The following CLIP2 variants were observed in gnomAD, a reference collection of about 807,000 sequenced individuals.
The protein encoded by CLIP2 is CAP-Gly domain-containing linker protein 2.
In CLIP2, 41 loss-of-function variants were observed where a neutral mutation model predicts 111.7. The ratio of observed to expected loss-of-function variants is 0.37; its 90% CI spans 0.29 to 0.48. The LOEUF (loss-of-function observed/expected upper bound fraction) is 0.48, where lower values mean the gene tolerates loss of function less well. Among genes scored for constraint, CLIP2 ranks in the 20% least tolerant of loss-of-function variants. The probability of loss-of-function intolerance (pLI) is 0.99; values close to 1 mark genes in which losing one functional copy is unlikely to be tolerated. For synonymous variants in CLIP2, 660 were observed against 644.2 expected (o/e 1.02, Z -0.37); for missense variants, 1,160 against 1,422.1 (o/e 0.82, Z 2.96).
chr7:74,306,169 G>T (rs1218946525), intron 1 of CLIP2, among the ~76,000 whole-genome samples: 3 of 152,176 alleles, frequency 2.0e-5, no homozygotes, highest in Non-Finnish European at 2.9e-5. Context: ...CCGGTTACGG[G>T]TCCCTTGCTC....
At chr7:74,336,860 G>GTTTTTTTTTTTTTTTTTTTTTTTT (rs376463523) in intron 2 of CLIP2, among the ~76,000 whole-genome samples, 1 of 140,594 alleles carries the variant, frequency 7.1e-6, no homozygotes. Context: ...TGTTTTTTTT[G>GTTTTTTTTTTTTTTTTTTTTTTTT]TTTTTTTTTT....
At chr7:74,372,595 G>C (rs901733980) in intron 8 of CLIP2, among the ~76,000 whole-genome samples, 4 of 151,722 alleles carry the variant, frequency 2.6e-5, no homozygotes, top group East Asian at 1.9e-4. Context: ...TTGGGGGTTG[G>C]GGGGGACAGA....
chr7:74,310,967 G>A (rs1263021476), intron 1 of CLIP2, among the ~76,000 whole-genome samples: 1 of 146,426 alleles, frequency 6.8e-6, no homozygotes, highest in Non-Finnish European at 1.5e-5. Flanking sequence ...TGCCTGCCTC[G>A]AGCTCCTATT....
At chr7:74,353,047 A>T (rs1224620416) in intron 3 of CLIP2, among the ~76,000 whole-genome samples, 1 of 152,078 alleles carries the variant, frequency 6.6e-6, no homozygotes, top group African/African-American at 2.4e-5. Flanking sequence ...GCTACTCAGG[A>T]GGCTGAGGTG....
intron 7 of CLIP2, among the ~76,000 whole-genome samples, chr7:74,361,406 G>A (rs1418518050): frequency 2.0e-5 from 3 of 151,708 alleles, no homozygotes; most frequent in Non-Finnish European, 4.4e-5. Context: ...TAGTAGAGAT[G>A]GGGTTTTACC....
At position 74,400,463 on chromosome 7, in the gene CLIP2, A is replaced by G. The variant is rs1554317378; in HGVS notation, c.2974A>G (p.Ser992Gly). Residue 992 changes from serine (S) to glycine (G), a missense_variant, in exon 15 of 17, where the codon AGC becomes GGC. By Grantham distance (56) the Ser-to-Gly change is moderately conservative. Transcript: ENST00000223398. ...ELLRLQHQLMSTEDALRDALD... is the reference protein window; with the variant it reads ...ELLRLQHQLMGTEDALRDALD... The stretch of plus-strand genomic sequence containing the variant: ...TCTGCGGCTGCAGCACCAGCTGATG[A>G]GCACGGAGGACGCCCTGCGGGATGC... 6.2e-7 allele frequency: 1 copy of G among 1,614,092 alleles called. No homozygotes were observed. The highest frequency in any genetic ancestry group is 1.7e-5 in the Admixed American group (1 of 60,020).
chr7:74,323,508 A>T (rs1206384126), intron 2 of CLIP2, among the ~76,000 whole-genome samples: 2 of 149,088 alleles, frequency 1.3e-5, no homozygotes, highest in Non-Finnish European at 3.0e-5. Flanking sequence ...GCTCACTGCA[A>T]CCTCCACCTC....
intron 3 of CLIP2, among the ~76,000 whole-genome samples, chr7:74,351,426 CA>C (rs55952428): frequency 0.074 from 4,847 of 65,890 alleles, 49 homozygotes; most frequent in Non-Finnish European, 0.099. Flanking sequence ...ATTCCAGTGT[CA>C]AAAAAAAAAA....
chr7:74,307,458 C>T (rs973198443), intron 1 of CLIP2, among the ~76,000 whole-genome samples: 1 of 152,174 alleles, frequency 6.6e-6, no homozygotes, highest in Admixed American at 6.6e-5. Context: ...AGGCCACATT[C>T]GTGCAATGCC....
chr7:74,346,129 C>T (rs1310163966), intron 3 of CLIP2, among the ~76,000 whole-genome samples: 1 of 151,978 alleles, frequency 6.6e-6, no homozygotes, highest in Non-Finnish European at 1.5e-5. Context: ...CAGGTGTGTG[C>T]CACCACACCC....
At chr7:74,368,495 C>T (rs567967786) in intron 8 of CLIP2, among the ~76,000 whole-genome samples, 3 of 151,088 alleles carry the variant, frequency 2.0e-5, no homozygotes, top group African/African-American at 4.9e-5. Context: ...CCAGCCTAGG[C>T]GACAGTGCGA....
At chr7:74,334,657 G>C (rs1381850358) in intron 2 of CLIP2, among the ~76,000 whole-genome samples, 3 of 152,090 alleles carry the variant, frequency 2.0e-5, no homozygotes, top group Non-Finnish European at 4.4e-5. Context: ...GCTGGCACCT[G>C]CCAGGCACCC....
rs569376342 is a variant in CLIP2 at position 74,317,860 on chromosome 7, C to T, written c.121+193C>T. 6.6e-5 allele frequency among the ~76,000 whole-genome samples: 10 copies of T among 152,188 alleles called. No homozygotes were observed. The South Asian group carries it at 1.0e-3, about 16-fold the overall frequency. ...GGTTTCCCCAGGGAGGGGACATGGG[C>T]GCTGAGGTCTGGAGGGTGAATAGGT... On this transcript the variant is annotated intron_variant, in intron 2 of 16. Transcript: ENST00000223398.
intron 1 of CLIP2, among the ~76,000 whole-genome samples, chr7:74,308,704 C>G (rs781975347): frequency 3.3e-5 from 5 of 151,960 alleles, no homozygotes; most frequent in Non-Finnish European, 7.4e-5. Flanking sequence ...AGGGTTTCAC[C>G]ACGTTGGCCG....
At chr7:74,390,408 A>G (rs1390070129) in intron 13 of CLIP2, among the ~76,000 whole-genome samples, 1 of 152,062 alleles carries the variant, frequency 6.6e-6, no homozygotes, top group Non-Finnish European at 1.5e-5. Flanking sequence ...GGTGGCTCAC[A>G]CTTGTAATCC....
intron 3 of CLIP2, among the ~76,000 whole-genome samples, chr7:74,340,753 G>C (rs1275663988): frequency 6.6e-6 from 1 of 152,136 alleles, no homozygotes; most frequent in Admixed American, 6.6e-5. Context: ...GAGACTCATA[G>C]GGTACAGGGA....
At chr7:74,299,430 C>T (rs1315480080) in intron 1 of CLIP2, among the ~76,000 whole-genome samples, 2 of 152,232 alleles carry the variant, frequency 1.3e-5, no homozygotes, top group Non-Finnish European at 2.9e-5. Context: ...TTCTGTTCCT[C>T]CTCCACTCTC....
chr7:74,389,291 C>G, intron 13 of CLIP2, 32 bp downstream of exon 13: 2 of 1,531,622 alleles, frequency 1.3e-6, no homozygotes, highest in Non-Finnish European at 1.8e-6. Context: ...CTGGGTCCTC[C>G]CTGTGGCCCT....
At chr7:74,304,449 C>A (rs1763629128) in intron 1 of CLIP2, among the ~76,000 whole-genome samples, 1 of 151,430 alleles carries the variant, frequency 6.6e-6, no homozygotes, top group African/African-American at 2.4e-5. Context: ...TGGTTTGAAC[C>A]CGGGAGGTGG....
Sources: gnomAD v4.1 joint callset for allele counts (sites outside exome capture counted in the v4.1 genomes callset) on GRCh38, gnomAD v4.1.1 for gene constraint, MANE v1.5 for transcripts, NCBI Gene and HGNC (gene_info 2026-07-23, HGNC 2026-07-21) for gene names.